NXPE2: variants seen among roughly 807,000 people sequenced by gnomAD.
The protein encoded by NXPE2 is neurexophilin and PC-esterase domain family member 2.
NXPE2 carries 34 observed loss-of-function variants against 34.4 expected under a neutral mutation model. The observed-to-expected ratio is 0.99, with a 90% CI of 0.75 to 1.31. The LOEUF is 1.31. Among genes scored for constraint, NXPE2 ranks in the 40% most tolerant of loss-of-function variants. NXPE2 has a pLI of 0.00. For missense variants in NXPE2, 649 were observed against 672.5 expected (o/e 0.97, Z 0.39); for synonymous variants, 235 against 231.3 (o/e 1.02, Z -0.15).
the NXPE2 span, among the ~76,000 whole-genome samples, chr11:114,755,104 A>G: frequency 6.6e-6 from 1 of 152,160 alleles, no homozygotes; most frequent in Admixed American, 6.5e-5. Flanking sequence ...TGCAAGGACA[A>G]TTGGTAACTC....
chr11:114,554,650 T>C, the NXPE2 span, among the ~76,000 whole-genome samples: 1 of 152,232 alleles, frequency 6.6e-6, no homozygotes, highest in African/African-American at 2.4e-5. Flanking sequence ...AAAGCAATAA[T>C]AATTATGAGT....
chr11:114,595,202 T>C, the NXPE2 span, among the ~76,000 whole-genome samples: 14 of 152,174 alleles, frequency 9.2e-5, no homozygotes, highest in Admixed American at 2.6e-4. Flanking sequence ...AATTAGTTTT[T>C]CTGTTTCATT....
Position 114,705,806 on chromosome 11 carries a change from C to A in NXPE2, c.954C>A (p.Cys318Ter). Reference sequence around the variant, plus strand: ...AGAGCGAGAACATAAAAAAGAACTGCCAGATTGGAATGAAGACTCCTTTCC... The same window carrying A: ...AGAGCGAGAACATAAAAAAGAACTGACAGATTGGAATGAAGACTCCTTTCC... ...CNKSENIKKN[C>*]QIGMKTPFPS... The change falls in exon 5 of 6, where the codon TGC (cysteine) becomes TGA (stop). Residue 318 changes from cysteine to a stop codon, truncating the protein, a stop_gained. Coordinates refer to ENST00000389586, the MANE Select transcript of NXPE2 (RefSeq NM_182495.6). LOFTEE classifies it high-confidence loss of function. 2.7e-6 allele frequency: 4 copies of A among 1,495,660 alleles called. No homozygotes were observed. The highest frequency in any genetic ancestry group is 2.7e-5 in the East Asian group (1 of 37,004). The allele number at this position is 1,495,660 out of a possible 1,614,324, so 92.6% of individuals were successfully genotyped here.
At chr11:114,628,899 T>C in the NXPE2 span, among the ~76,000 whole-genome samples, 78,514 of 151,486 alleles carry the variant, frequency 0.52, 21,357 homozygotes, top group African/African-American at 0.65. Context: ...AACACCTCTA[T>C]GCAAATAAAC....
the NXPE2 span, among the ~76,000 whole-genome samples, chr11:114,627,839 T>C: frequency 6.7e-6 from 1 of 149,864 alleles, no homozygotes; most frequent in Non-Finnish European, 1.5e-5. Flanking sequence ...ACCAAGCAAA[T>C]GGAAAACAAA....
chr11:114,663,411 G>C, the NXPE2 span, among the ~76,000 whole-genome samples: 1 of 152,056 alleles, frequency 6.6e-6, no homozygotes. Context: ...AACAAAAAAC[G>C]GGTGTGGGTT....
chr11:114,686,996 A>G (rs1377575370), intron 2 of NXPE2, among the ~76,000 whole-genome samples: 1 of 152,054 alleles, frequency 6.6e-6, no homozygotes, highest in Non-Finnish European at 1.5e-5. Flanking sequence ...TAAGCTCCTT[A>G]TAGACTCTTG....
At chr11:114,740,171 T>C in the NXPE2 span, among the ~76,000 whole-genome samples, 1 of 152,142 alleles carries the variant, frequency 6.6e-6, no homozygotes, top group East Asian at 1.9e-4. Flanking sequence ...TAATTAAAGT[T>C]AGGTATATGT....
the NXPE2 span, among the ~76,000 whole-genome samples, chr11:114,588,686 T>TG: frequency 6.6e-6 from 1 of 152,148 alleles, no homozygotes; most frequent in Non-Finnish European, 1.5e-5. Context: ...ATGTGCATAT[T>TG]GGGGGGCCTA....
At chr11:114,736,671 T>G in the NXPE2 span, among the ~76,000 whole-genome samples, 1 of 148,034 alleles carries the variant, frequency 6.8e-6, no homozygotes, top group African/African-American at 2.6e-5. Context: ...GATGACAGGA[T>G]TAAGAGACTA....
At chr11:114,538,224 A>C in the NXPE2 span, among the ~76,000 whole-genome samples, 1 of 152,252 alleles carries the variant, frequency 6.6e-6, no homozygotes, top group Admixed American at 6.5e-5. Flanking sequence ...TTGGCTAGCC[A>C]TATGTAGAAA....
the NXPE2 span, chr11:114,571,062 T>G: frequency 6.2e-7 from 1 of 1,614,000 alleles, no homozygotes; most frequent in Non-Finnish European, 8.5e-7. Context: ...ACTGAGATCC[T>G]GGAAAATGTC....
the NXPE2 span, among the ~76,000 whole-genome samples, chr11:114,519,923 G>T: frequency 1.7e-5 from 2 of 117,802 alleles, no homozygotes; most frequent in Non-Finnish European, 3.3e-5. Flanking sequence ...ACAGAGTCTC[G>T]CTCTGTAGCC....
At chr11:114,800,637 G>C in the NXPE2 span, among the ~76,000 whole-genome samples, 10 of 152,186 alleles carry the variant, frequency 6.6e-5, no homozygotes, top group African/African-American at 2.4e-4. Flanking sequence ...ACTTTCCAGA[G>C]ATAGTGTGAT....
At chr11:114,521,699 A>C in the NXPE2 span, 1 of 370,164 alleles carries the variant, frequency 2.7e-6, no homozygotes, top group Non-Finnish European at 4.8e-6. Flanking sequence ...GATATTTTCA[A>C]ATCAGCTTAA....
At chr11:114,550,722 T>TA in the NXPE2 span, among the ~76,000 whole-genome samples, 3 of 152,048 alleles carry the variant, frequency 2.0e-5, no homozygotes, top group South Asian at 2.1e-4. Flanking sequence ...ACAGTACTGC[T>TA]AAAAAAATAA....
chr11:114,705,412 A>G (rs938845729), intron 4 of NXPE2, among the ~76,000 whole-genome samples: 2 of 152,176 alleles, frequency 1.3e-5, no homozygotes, highest in Non-Finnish European at 2.9e-5. Context: ...AGCGAGGCCA[A>G]TGTCATTGGT....
the NXPE2 span, among the ~76,000 whole-genome samples, chr11:114,517,027 G>A: frequency 2.4e-4 from 36 of 152,230 alleles, no homozygotes; most frequent in Non-Finnish European, 3.5e-4. Flanking sequence ...GACCACACCT[G>A]TCCTGTTCAG....
the NXPE2 span, among the ~76,000 whole-genome samples, chr11:114,515,911 C>G: frequency 6.6e-6 from 1 of 152,086 alleles, no homozygotes; most frequent in Non-Finnish European, 1.5e-5. Flanking sequence ...TAGAGGGGAC[C>G]TAATGGAAGG....
Sources: allele counts gnomAD v4.1 joint callset (sites outside exome capture counted in the v4.1 genomes callset), GRCh38; gene constraint gnomAD v4.1.1; transcripts MANE v1.5; gene names NCBI Gene and HGNC (gene_info 2026-07-23, HGNC 2026-07-21).